OR8K3: variants seen among roughly 807,000 people sequenced by gnomAD.
OR8K3 encodes the protein olfactory receptor family 8 subfamily K member 3 (gene/pseudogene), also known as olfactory receptor 8K3.
For missense variants in OR8K3, 448 were observed against 367.4 expected (o/e 1.22, Z -1.79); for synonymous variants, 167 against 138.8 (o/e 1.20, Z -1.43).
Position 56,318,972 on chromosome 11 carries a change from T to C in OR8K3, c.666T>C (p.Leu222=), listed in dbSNP as rs749105172. Residue 222 remains leucine, a synonymous_variant, in exon 3 of 3, where the codon CTT becomes CTC. Transcript: ENST00000641662. ...TTCTTTTATCTTACCTGCTCATCCT[T>C]GTAGCCATTCTCAGGATGAATTCTG... ...LIVLLSYLLI[L]VAILRMNSAG... is the part of the protein sequence containing the mutation. The C allele has an allele frequency of 1.2e-6, 2 of 1,614,178 alleles. No homozygotes were observed. Among genetic ancestry groups the C allele is most frequent in the Non-Finnish European group, 1.7e-6 (2 of 1,180,010 alleles).
At position 56,318,400 on chromosome 11, in the gene OR8K3, C is replaced by T. The variant is rs776487675; in HGVS notation, c.94C>T (p.Leu32Phe). ...GCAGGCACCATTATTTGCATTGTTC[C>T]TCATGATCTATGTGATCTCAGTGAT... ...ELQAPLFALF[L>F]MIYVISVMGN... Residue 32 changes from leucine (L) to phenylalanine (F), a missense_variant, in exon 3 of 3, where the codon CTC (leucine) becomes TTC (phenylalanine). Coordinates refer to ENST00000641662, the MANE Select transcript of OR8K3 (RefSeq NM_001005202.2). The T allele has an allele frequency of 6.2e-7, 1 of 1,613,732 alleles. No homozygotes were observed. Among genetic ancestry groups the T allele is most frequent in the Admixed American group, 1.7e-5 (1 of 59,996 alleles).
intron 2 of OR8K3, among the ~76,000 whole-genome samples, chr11:56,316,687 T>G (rs1341486281): frequency 6.6e-6 from 1 of 151,994 alleles, no homozygotes; most frequent in East Asian, 1.9e-4. Flanking sequence ...TGTTATTGTG[T>G]AACAAGGTGA....
rs1186417186 is a variant in OR8K3, at chr11:56,316,036, T to C, written c.-45T>C. The C allele has an allele frequency of 6.6e-6, 1 of 152,016 alleles. No individual in the cohort carries two copies. The highest frequency in any genetic ancestry group is 1.9e-4 in the East Asian group (1 of 5,188). 9.4% of individuals were successfully genotyped at this position (152,016 alleles called of 1,614,324 possible). On this transcript the variant is annotated 5_prime_UTR_variant, in exon 2 of 3. Coordinates refer to ENST00000641662, the MANE Select transcript of OR8K3 (RefSeq NM_001005202.2). ...TGGTGAAAGGAACCTCATTTATATT[T>C]CCTTACCTAACAAGAAAACAGGTAC...
Position 56,319,454 on chromosome 11 carries a change from A to T in OR8K3, c.*209A>T, listed in dbSNP as rs1310310328. 1 of 544,160 alleles carries T rather than the reference A, an allele frequency of 1.8e-6. No homozygotes were observed. Among genetic ancestry groups the T allele is most frequent in the Non-Finnish European group, 3.3e-6 (1 of 306,504 alleles). 33.7% of individuals were successfully genotyped at this position (544,160 alleles called of 1,614,324 possible). On this transcript the variant is annotated 3_prime_UTR_variant, in exon 3 of 3. Coordinates refer to ENST00000641662, the MANE Select transcript of OR8K3 (RefSeq NM_001005202.2). ...TGATGGATAGATGAATTGTATTCACAATAAGTCCATTTTATATAACAGTAG... is the reference window on the plus strand; with the variant it reads ...TGATGGATAGATGAATTGTATTCACTATAAGTCCATTTTATATAACAGTAG...
At position 56,319,207 on chromosome 11, in the gene OR8K3, C is replaced by T. The variant is rs141093095; in HGVS notation, c.901C>T (p.Arg301Ter). The T allele has an allele frequency of 4.3e-4, 693 of 1,608,666 alleles. 2 individuals are homozygous for T. Among genetic ancestry groups the T allele is most frequent in the East Asian group, 1.3e-3 (59 of 44,840 alleles). Reference protein sequence around the residue: ...LRNKDVKYALRRTWNNLCNIF... With the variant: ...LRNKDVKYAL ...AAACAAAGATGTAAAATATGCCCTA[C>T]GAAGGACATGGAATAACTTATGTAA... The change falls in exon 3 of 3, where the codon CGA (arginine) becomes TGA (stop). Residue 301 changes from arginine (R) to a stop codon, truncating the protein, a stop_gained. Transcript: ENST00000641662. LOFTEE classifies it low-confidence loss of function (END_TRUNC).
chr11:56,318,143 C>A lies in OR8K3; in HGVS notation c.-23-141C>A, dbSNP rs1036778496. The A allele has an allele frequency of 5.5e-6, 3 of 541,770 alleles. No individual in the cohort carries two copies. In the African/African-American group the frequency reaches 5.7e-5, roughly 10 times the overall value. The allele number at this position is 541,770 out of a possible 1,614,324, so 33.6% of individuals were successfully genotyped here. On this transcript the variant is annotated intron_variant, in intron 2 of 2. Coordinates refer to ENST00000641662, the MANE Select transcript of OR8K3 (RefSeq NM_001005202.2). ...TTATCTCTTTCTTAAATTATTTAAA[C>A]ATGTTTTTATTTGTGAGAGGTATGT...
Position 56,318,302 on chromosome 11 carries a change from C to T in OR8K3, c.-5C>T, listed in dbSNP as rs1485276307. ...CTATCAGAATAGGTTTTCTGATGAA[C>T]CTGGATGGAACAACACAATCTAACA... On this transcript the variant is annotated 5_prime_UTR_variant, in exon 3 of 3. Coordinates refer to ENST00000641662, the MANE Select transcript of OR8K3 (RefSeq NM_001005202.2). The T allele has an allele frequency of 1.9e-6, 3 of 1,603,866 alleles. No homozygotes were observed. Among genetic ancestry groups the T allele is most frequent in the African/African-American group, 2.7e-5 (2 of 74,844 alleles).
At position 56,318,696 on chromosome 11, in the gene OR8K3, G is replaced by A. The variant is rs1309055607; in HGVS notation, c.390G>A (p.Leu130=). 5.0e-6 allele frequency: 8 copies of A among 1,613,804 alleles called. No homozygotes were observed. Among genetic ancestry groups the A allele is most frequent in the African/African-American group, 1.3e-5 (1 of 74,888 alleles). The change falls in exon 3 of 3, where the codon CTG becomes CTA. Residue 130 remains leucine, a synonymous_variant. Coordinates refer to ENST00000641662, the MANE Select transcript of OR8K3 (RefSeq NM_001005202.2). ...YDLYVAICNP[L]LYTVIMSRRV... ...TCTATGTGGCCATCTGTAACCCTCTGCTATACACAGTAATCATGTCACGAA... is the reference window on the plus strand; with the variant it reads ...TCTATGTGGCCATCTGTAACCCTCTACTATACACAGTAATCATGTCACGAA...
In OR8K3 at chr11:56,318,299, G is replaced by T. The variant is rs566814228; in HGVS notation, c.-8G>T. 1.3e-6 allele frequency: 2 copies of T among 1,597,882 alleles called. No individual in the cohort carries two copies. The highest frequency in any genetic ancestry group is 2.7e-5 in the African/African-American group (2 of 74,590). ...TCTCTATCAGAATAGGTTTTCTGAT[G>T]AACCTGGATGGAACAACACAATCTA... On this transcript the variant is annotated 5_prime_UTR_variant, in exon 3 of 3. The change abolishes an upstream ATG in the 5' untranslated region. Transcript: ENST00000641662.
Position 56,318,666 on chromosome 11 carries a change from C to T in OR8K3, c.360C>T (p.Tyr120=), listed in dbSNP as rs540217928. 7.4e-6 allele frequency: 12 copies of T among 1,613,706 alleles called. No homozygotes were observed. In the East Asian group the frequency reaches 8.9e-5, roughly 12 times the overall value. Residue 120 remains tyrosine (Y), a synonymous_variant, in exon 3 of 3, where the codon TAC becomes TAT. Transcript: ENST00000641662. ...SELFILSAMS[Y]DLYVAICNPL... ...TTTTTATTCTCTCAGCCATGTCCTA[C>T]GACCTCTATGTGGCCATCTGTAACC...
chr11:56,317,799 G>A (rs1015453928), intron 2 of OR8K3, among the ~76,000 whole-genome samples: 2 of 151,860 alleles, frequency 1.3e-5, no homozygotes, highest in Non-Finnish European at 2.9e-5. Context: ...ATGAATATCT[G>A]TATCTCTTTC....
intron 1 of OR8K3, among the ~76,000 whole-genome samples, chr11:56,315,567 G>T (rs1368707977): frequency 6.6e-6 from 1 of 152,082 alleles, no homozygotes; most frequent in East Asian, 1.9e-4. Context: ...TATTTGGTCA[G>T]TCATGTTCAT....
In OR8K3 at chr11:56,320,415, C is replaced by T. The variant is rs1854509774; in HGVS notation, c.*1170C>T. The T allele has an allele frequency of 6.6e-6, 1 of 152,178 alleles. No individual in the cohort carries two copies. Among genetic ancestry groups the T allele is most frequent in the Non-Finnish European group, 1.5e-5 (1 of 68,020 alleles). 9.4% of individuals were successfully genotyped at this position (152,178 alleles called of 1,614,324 possible). ...TGATATCGTTATCTTGCCTTTTAAACATGGTTGCTTTCCTTAACTCCATAT... is the reference window on the plus strand; with the variant it reads ...TGATATCGTTATCTTGCCTTTTAAATATGGTTGCTTTCCTTAACTCCATAT... On this transcript the variant is annotated 3_prime_UTR_variant, in exon 3 of 3. Transcript: ENST00000641662.
At position 56,318,532 on chromosome 11, in the gene OR8K3, A is replaced by T. The variant is rs1193160189; in HGVS notation, c.226A>T (p.Thr76Ser). ...TTTCATGGATCTTGGTTATTCAACA[A>T]CTGTGGGACCCAAAATGTTAGTAAA... is the stretch of plus-strand genomic sequence containing the variant. ...LAFMDLGYST[T>S]VGPKMLVNFV... Residue 76 changes from threonine to serine, a missense_variant, in exon 3 of 3, where the codon ACT becomes TCT. Coordinates refer to ENST00000641662, the MANE Select transcript of OR8K3 (RefSeq NM_001005202.2). The T allele has an allele frequency of 1.9e-6, 3 of 1,613,616 alleles. No individual in the cohort carries two copies. The highest frequency in any genetic ancestry group is 1.7e-5 in the Admixed American group (1 of 59,928).
rs143880240 is a variant in OR8K3 at position 56,318,411 on chromosome 11, T to G, written c.105T>G (p.Tyr35Ter). The G allele has an allele frequency of 6.2e-7, 1 of 1,613,936 alleles. No homozygotes were observed. Among genetic ancestry groups the G allele is most frequent in the East Asian group, 2.2e-5 (1 of 44,880 alleles). Reference sequence around the variant, plus strand: ...TATTTGCATTGTTCCTCATGATCTATGTGATCTCAGTGATGGGCAATTTGG... The same window carrying G: ...TATTTGCATTGTTCCTCATGATCTAGGTGATCTCAGTGATGGGCAATTTGG... ...APLFALFLMI[Y>*]VISVMGNLGM... The change falls in exon 3 of 3, where the codon TAT becomes TAG. Residue 35 changes from tyrosine to a stop codon, truncating the protein, a stop_gained. Coordinates refer to ENST00000641662, the MANE Select transcript of OR8K3 (RefSeq NM_001005202.2). LOFTEE classifies it low-confidence loss of function (END_TRUNC).
chr11:56,315,639 A>C (rs1217760877), intron 1 of OR8K3, among the ~76,000 whole-genome samples: 1 of 152,232 alleles, frequency 6.6e-6, no homozygotes, highest in Middle Eastern at 3.4e-3. Flanking sequence ...CAATAATTTA[A>C]CACTGAATGA....
chr11:56,318,800 C>A lies in OR8K3; in HGVS notation c.494C>A (p.Thr165Asn). 6.2e-7 allele frequency: 1 copy of A among 1,614,026 alleles called. No individual in the cohort carries two copies. The highest frequency in any genetic ancestry group is 2.2e-5 in the East Asian group (1 of 44,866). Reference protein sequence around the residue: ...ISLLVTIKIFTLSFCGYNVIS... With the variant: ...ISLLVTIKIFNLSFCGYNVIS... ...CTTCTAGTCACCATAAAGATTTTTACTTTATCCTTCTGTGGCTACAACGTC... is the reference window on the plus strand; with the variant it reads ...CTTCTAGTCACCATAAAGATTTTTAATTTATCCTTCTGTGGCTACAACGTC... Residue 165 changes from threonine (T) to asparagine (N), a missense_variant, in exon 3 of 3, where the codon ACT (threonine) becomes AAT (asparagine). Coordinates refer to ENST00000641662, the MANE Select transcript of OR8K3 (RefSeq NM_001005202.2).
Position 56,318,770 on chromosome 11 carries a change from TTTCTC to T in OR8K3, c.469_473del (p.Leu157SerfsTer17). ...ATCCCTTACCTCTATTGCACATTCATTTCTCTTCTAGTCACCATAAAGATTTTTAC... is the reference window on the plus strand; with the variant it reads ...ATCCCTTACCTCTATTGCACATTCATTTCTAGTCACCATAAAGATTTTTAC... On this transcript the variant is annotated frameshift_variant, in exon 3 of 3. Coordinates refer to ENST00000641662, the MANE Select transcript of OR8K3 (RefSeq NM_001005202.2). LOFTEE classifies it low-confidence loss of function (END_TRUNC). 1 of 1,614,032 alleles carries T rather than the reference TTTCTC, an allele frequency of 6.2e-7. No individual in the cohort carries two copies. Among genetic ancestry groups the T allele is most frequent in the South Asian group, 1.1e-5 (1 of 91,078 alleles).
chr11:56,318,527 C>T lies in OR8K3; in HGVS notation c.221C>T (p.Ser74Leu), dbSNP rs148604076. ...CTGGCTTTCATGGATCTTGGTTATT[C>T]AACAACTGTGGGACCCAAAATGTTA... The part of the protein sequence containing the change: ...RHLAFMDLGY[S>L]TTVGPKMLVN... The change falls in exon 3 of 3, where the codon TCA becomes TTA. Residue 74 changes from serine (S) to leucine (L), a missense_variant. Ser to Leu is a moderately radical substitution (Grantham distance 145). Coordinates refer to ENST00000641662, the MANE Select transcript of OR8K3 (RefSeq NM_001005202.2). 2 of 1,613,794 alleles carry T rather than the reference C, an allele frequency of 1.2e-6. No individual in the cohort carries two copies. The highest frequency in any genetic ancestry group is 2.7e-5 in the African/African-American group (2 of 75,020).
Sources: gnomAD v4.1 joint callset for allele counts (sites outside exome capture counted in the v4.1 genomes callset) on GRCh38, gnomAD v4.1.1 for gene constraint, MANE v1.5 for transcripts, NCBI Gene and HGNC (gene_info 2026-07-23, HGNC 2026-07-21) for gene names.